EPDR1: variants seen among roughly 807,000 people sequenced by gnomAD.
The protein encoded by EPDR1 is ependymin related 1, also known as mammalian ependymin-related protein 1.
In EPDR1, 27 loss-of-function variants were observed where a neutral mutation model predicts 23.7. The observed-to-expected ratio is 1.14, with a 90% CI of 0.84 to 1.57. EPDR1 has a LOEUF of 1.57. Among genes scored for constraint, EPDR1 ranks in the 40% most tolerant of loss-of-function variants. EPDR1 has a pLI of 0.00. For synonymous variants in EPDR1, 137 were observed against 118.2 expected, an observed-to-expected ratio of 1.16 and a Z score of -1.03; for missense variants, 349 against 290.4, an observed-to-expected ratio of 1.20 and a Z score of -1.47.
intron 1 of EPDR1, among the ~76,000 whole-genome samples, chr7:37,924,883 G>T (rs117328776): frequency 6.6e-6 from 1 of 152,206 alleles, no homozygotes; most frequent in Non-Finnish European, 1.5e-5. Context: ...TCATATTTAT[G>T]AGTAAGTTGA....
chr7:37,949,110 T>C (rs773207237), intron 2 of EPDR1, 62 bp downstream of exon 2: 118 of 1,519,280 alleles, frequency 7.8e-5, no homozygotes, highest in Non-Finnish European at 9.6e-5. Flanking sequence ...AAGGTTTAAG[T>C]CCTTTAAGGA....
Position 37,921,095 on chromosome 7 carries a change from G to T in EPDR1, c.156G>T (p.Gln52His). ...CQAPQQWEGR[Q>H]VMYQQSSGRN... is the part of the protein sequence containing the mutation. ...CGCCGCAGCAGTGGGAGGGGCGCCA[G>T]GTTATGTACCAGCAAAGTAGCGGGC... The change falls in exon 1 of 3, where the codon CAG becomes CAT. Residue 52 changes from glutamine (Q) to histidine (H), a missense_variant. By Grantham distance (24) the Gln-to-His change is conservative. Transcript: ENST00000199448. The T allele has an allele frequency of 6.3e-7, 1 of 1,589,168 alleles. No homozygotes were observed.
At chr7:37,941,315 A>G (rs766307283) in intron 1 of EPDR1, among the ~76,000 whole-genome samples, 3 of 152,244 alleles carry the variant, frequency 2.0e-5, no homozygotes, top group Non-Finnish European at 2.9e-5. Flanking sequence ...CATTTCCAAC[A>G]TCACAAAGTA....
Position 37,950,347 on chromosome 7 carries a change from CGTG to C in EPDR1, c.627_629del (p.Cys210del). On this transcript the variant is annotated inframe_deletion, in exon 3 of 3. Coordinates refer to ENST00000199448, the MANE Select transcript of EPDR1 (RefSeq NM_017549.5). The stretch of plus-strand genomic sequence containing the variant: ...CCCTCGGTGTTTACCCCTCCAAGCA[CGTG>C]CCAGATGGCCCAACTGGAGAAGATG... 5.6e-6 allele frequency: 9 copies of C among 1,613,870 alleles called. No homozygotes were observed. The highest frequency in any genetic ancestry group is 7.6e-6 in the Non-Finnish European group (9 of 1,179,908).
At chr7:37,941,325 A>G (rs1177719657) in intron 1 of EPDR1, among the ~76,000 whole-genome samples, 2 of 152,260 alleles carry the variant, frequency 1.3e-5, no homozygotes, top group African/African-American at 2.4e-5. Flanking sequence ...ATCACAAAGT[A>G]TCACTCATCA....
At position 37,940,006 on chromosome 7, in the gene EPDR1, A is replaced by C. The variant is rs1293966433; in HGVS notation, c.270-8834A>C. Among the ~76,000 whole-genome samples, 4 of 152,340 alleles carry C rather than the reference A, an allele frequency of 2.6e-5. No individual in the cohort carries two copies. The East Asian group carries it at 7.7e-4, about 29-fold the overall frequency. ...CAACACAAGGTCATTATTTTTGTTAATATCAAAGGAATAGAAACAACTCAA... is the reference window on the plus strand; with the variant it reads ...CAACACAAGGTCATTATTTTTGTTACTATCAAAGGAATAGAAACAACTCAA... On this transcript the variant is annotated intron_variant, in intron 1 of 2. Transcript: ENST00000199448.
intron 1 of EPDR1, among the ~76,000 whole-genome samples, chr7:37,936,153 T>TA (rs34197803): frequency 0.81 from 120,989 of 148,908 alleles, 49,353 homozygotes; most frequent in Middle Eastern, 0.87. Flanking sequence ...AACAGCACAT[T>TA]AAAAAAATAC....
chr7:37,921,030 T>A lies in EPDR1; in HGVS notation c.91T>A (p.Cys31Ser). Reference sequence around the variant, plus strand: ...CTGGGCCTGGACCCTGTGCGGCCTGTGCAGCCTGGGGGCGGTGGGAGCCCC... The same window carrying A: ...CTGGGCCTGGACCCTGTGCGGCCTGAGCAGCCTGGGGGCGGTGGGAGCCCC... ...GLWAWTLCGL[C>S]SLGAVGAPRP... The change falls in exon 1 of 3, where the codon TGC becomes AGC. Residue 31 changes from cysteine to serine, a missense_variant. By Grantham distance (112) the Cys-to-Ser change is moderately radical. Transcript: ENST00000199448. The A allele has an allele frequency of 6.5e-7, 1 of 1,528,790 alleles. No homozygotes were observed. Among genetic ancestry groups the A allele is most frequent in the Non-Finnish European group, 8.8e-7 (1 of 1,142,710 alleles). The allele number at this position is 1,528,790 out of a possible 1,614,324, so 94.7% of individuals were successfully genotyped here. A position where few individuals can be genotyped will look rare whatever the true frequency, so the allele number is the denominator to read the frequency against.
intron 1 of EPDR1, among the ~76,000 whole-genome samples, chr7:37,924,651 G>T (rs1164665674): frequency 2.0e-5 from 3 of 152,182 alleles, no homozygotes; most frequent in African/African-American, 7.2e-5. Context: ...ACTTCTAAAA[G>T]ACATTGTTTT....
chr7:37,921,524 C>T (rs975694320), intron 1 of EPDR1: 1 of 1,303,342 alleles, frequency 7.7e-7, no homozygotes, highest in Non-Finnish European at 9.7e-7. Context: ...CCTGTTCTCA[C>T]GCTGCTGAGT....
chr7:37,927,253 A>C (rs2132001243), intron 1 of EPDR1, among the ~76,000 whole-genome samples: 2 of 152,286 alleles, frequency 1.3e-5, no homozygotes, highest in East Asian at 3.9e-4. Context: ...ATCCCTCCCC[A>C]CACACACTCA....
chr7:37,936,039 T>TATATATATACAC lies in EPDR1; in HGVS notation c.270-12800_270-12799insTATATATACACA, dbSNP rs57925993. ...ATATATATATATATATATATATATA[T>TATATATATACAC]ACACAAGGGAAATGTGAATCTGTTA... On this transcript the variant is annotated intron_variant, in intron 1 of 2. Transcript: ENST00000199448. Among the ~76,000 whole-genome samples the TATATATATACAC allele has an allele frequency of 8.0e-4, 65 of 80,944 alleles. 6 individuals carry two copies. Among genetic ancestry groups the TATATATATACAC allele is most frequent in the East Asian group, 2.7e-3 (6 of 2,222 alleles). 53.1% of individuals were successfully genotyped at this position (80,944 alleles called of 152,430 possible). A position where few individuals can be genotyped will look rare whatever the true frequency, so the allele number is the denominator to read the frequency against.
At chr7:37,946,558 A>AG (rs1786279643) in intron 1 of EPDR1, among the ~76,000 whole-genome samples, 1 of 152,154 alleles carries the variant, frequency 6.6e-6, no homozygotes, top group African/African-American at 2.4e-5. Flanking sequence ...TCGTTATTTT[A>AG]GAGTGTGCTC....
intron 1 of EPDR1, among the ~76,000 whole-genome samples, chr7:37,929,679 C>A (rs12671182): frequency 0.25 from 38,396 of 151,800 alleles, 6,111 homozygotes; most frequent in Non-Finnish European, 0.36. Context: ...TACGTTATAC[C>A]TCTTTTCTGT....
chr7:37,921,024 G>T lies in EPDR1; in HGVS notation c.85G>T (p.Gly29Cys). ...CGGCCTCTGGGCCTGGACCCTGTGCGGCCTGTGCAGCCTGGGGGCGGTGGG... is the reference window on the plus strand; with the variant it reads ...CGGCCTCTGGGCCTGGACCCTGTGCTGCCTGTGCAGCCTGGGGGCGGTGGG... ...LGGLWAWTLC[G>C]LCSLGAVGAP... The change falls in exon 1 of 3, where the codon GGC (glycine) becomes TGC (cysteine). Residue 29 changes from glycine (G) to cysteine (C), a missense_variant. Gly to Cys is a radical substitution (Grantham distance 159). Transcript: ENST00000199448. The T allele has an allele frequency of 6.6e-7, 1 of 1,524,308 alleles. No homozygotes were observed. The highest frequency in any genetic ancestry group is 8.8e-7 in the Non-Finnish European group (1 of 1,140,616). 94.4% of individuals were successfully genotyped at this position (1,524,308 alleles called of 1,614,324 possible). A position where few individuals can be genotyped will look rare whatever the true frequency, so the allele number is the denominator to read the frequency against.
chr7:37,921,079 A>T lies in EPDR1; in HGVS notation c.140A>T (p.Gln47Leu). ...GAPRPCQAPQQWEGRQVMYQQ... is the reference protein window; with the variant it reads ...GAPRPCQAPQLWEGRQVMYQQ... ...CCGCGCCCGTGCCAGGCGCCGCAGC[A>T]GTGGGAGGGGCGCCAGGTTATGTAC... The change falls in exon 1 of 3, where the codon CAG becomes CTG. Residue 47 changes from glutamine (Q) to leucine (L), a missense_variant. By Grantham distance (113) the Gln-to-Leu change is moderately radical. Coordinates refer to ENST00000199448, the MANE Select transcript of EPDR1 (RefSeq NM_017549.5). 6.3e-7 allele frequency: 1 copy of T among 1,576,664 alleles called. No individual in the cohort carries two copies. Among genetic ancestry groups the T allele is most frequent in the African/African-American group, 1.4e-5 (1 of 73,380 alleles).
Position 37,951,645 on chromosome 7 carries a change from A to G in EPDR1, c.*1249A>G, listed in dbSNP as rs1251396655. ...TTTCCTTATGTGTTGAATGTGGTTG[A>G]GTTTGTCCATTGCTAGGGAGAGACT... On this transcript the variant is annotated 3_prime_UTR_variant, in exon 3 of 3. Coordinates refer to ENST00000199448, the MANE Select transcript of EPDR1 (RefSeq NM_017549.5). 1 of 152,176 alleles carries G rather than the reference A, an allele frequency of 6.6e-6. No individual in the cohort carries two copies. The highest frequency in any genetic ancestry group is 1.5e-5 in the Non-Finnish European group (1 of 68,040). The allele number at this position is 152,176 out of a possible 1,614,324, so 9.4% of individuals were successfully genotyped here. A position where few individuals can be genotyped will look rare whatever the true frequency, so the allele number is the denominator to read the frequency against.
intron 1 of EPDR1, among the ~76,000 whole-genome samples, chr7:37,941,443 T>C (rs1786170903): frequency 6.6e-6 from 1 of 152,238 alleles, no homozygotes; most frequent in South Asian, 2.1e-4. Context: ...GTACATCACC[T>C]GTCTTCAGAT....
intron 1 of EPDR1, among the ~76,000 whole-genome samples, chr7:37,930,230 CAG>C (rs1785907074): frequency 6.6e-6 from 1 of 152,176 alleles, no homozygotes; most frequent in African/African-American, 2.4e-5. Flanking sequence ...GAAGAGGCAC[CAG>C]AGTCACAGCC....
Sources: allele counts gnomAD v4.1 joint callset (sites outside exome capture counted in the v4.1 genomes callset), GRCh38; gene constraint gnomAD v4.1.1; transcripts MANE v1.5; gene names NCBI Gene and HGNC (gene_info 2026-07-23, HGNC 2026-07-21).